Variants in CFAP299 observed in about 807,000 individuals in gnomAD.
CFAP299 encodes the protein cilia- and flagella-associated protein 299.
A neutral mutation model predicts 27.0 loss-of-function variants in CFAP299; 21 were observed. That is an observed-to-expected ratio of 0.78 (90% confidence interval 0.55 to 1.12). CFAP299 has a LOEUF of 1.12. Ranked by LOEUF, CFAP299 falls within the 50% of genes most tolerant of loss-of-function variation. The probability of loss-of-function intolerance (pLI) is 0.00; values close to 1 mark genes in which losing one functional copy is unlikely to be tolerated. For synonymous variants in CFAP299, 104 were observed against 98.1 expected (o/e 1.06, Z -0.36); for missense variants, 310 against 276.6 (o/e 1.12, Z -0.86).
intron 2 of CFAP299, among the ~76,000 whole-genome samples, chr4:80,578,157 T>C (rs1372714003): frequency 6.6e-6 from 1 of 152,214 alleles, no homozygotes; most frequent in East Asian, 1.9e-4. Context: ...GTAGAACTTA[T>C]AACACTAAGA....
Position 80,591,104 on chromosome 4 carries a change from A to ATTTTTTTTTT in CFAP299, c.333+7921_333+7922insTTTTTTTTTT, listed in dbSNP as rs1339201630. Among the ~76,000 whole-genome samples the ATTTTTTTTTT allele has an allele frequency of 1.2e-4, 14 of 116,492 alleles. 2 individuals are homozygous for ATTTTTTTTTT. The highest frequency in any genetic ancestry group is 1.2e-4 in the Non-Finnish European group (7 of 58,338). 76.4% of individuals were successfully genotyped at this position (116,492 alleles called of 152,430 possible). ...AGAAACAGATTATAATACTTTAGGA[A>ATTTTTTTTTT]ATTTTTTTTTTTTTTTTTTTTTTTT... On this transcript the variant is annotated intron_variant, in intron 3 of 5. Coordinates refer to ENST00000358105, the MANE Select transcript of CFAP299 (RefSeq NM_152770.3).
chr4:80,837,445 C>T (rs1730624498), intron 3 of CFAP299, among the ~76,000 whole-genome samples: 1 of 152,074 alleles, frequency 6.6e-6, no homozygotes, highest in Non-Finnish European at 1.5e-5. Flanking sequence ...AGCCCCCCAA[C>T]CCCCGACAGG....
intron 4 of CFAP299, among the ~76,000 whole-genome samples, chr4:80,924,534 G>GTA (rs1465517650): frequency 1.5e-5 from 2 of 131,998 alleles, no homozygotes; most frequent in African/African-American, 7.1e-5. Context: ...GTGTGTGTGT[G>GTA]TGTGTATATA....
intron 3 of CFAP299, among the ~76,000 whole-genome samples, chr4:80,742,277 G>A: frequency 6.6e-6 from 1 of 152,056 alleles, no homozygotes; most frequent in Non-Finnish European, 1.5e-5. Flanking sequence ...CTACCATCTT[G>A]TTTATGCCCC....
At chr4:80,567,288 C>T (rs1399612535) in intron 2 of CFAP299, among the ~76,000 whole-genome samples, 1 of 151,990 alleles carries the variant, frequency 6.6e-6, no homozygotes. Flanking sequence ...ATGTTATTTT[C>T]CTGCTCAGTG....
chr4:80,735,109 GTCT>G (rs1001810665), intron 3 of CFAP299, among the ~76,000 whole-genome samples: 2 of 151,916 alleles, frequency 1.3e-5, no homozygotes, highest in African/African-American at 4.8e-5. Context: ...TTTTTTGTGT[GTCT>G]TCTTCAATTT....
At chr4:80,561,845 A>G (rs1226148894) in intron 2 of CFAP299, among the ~76,000 whole-genome samples, 3 of 152,174 alleles carry the variant, frequency 2.0e-5, no homozygotes, top group Admixed American at 2.0e-4. Flanking sequence ...CAAATCACAG[A>G]AAAACACAGA....
chr4:80,489,643 C>T (rs891115061), intron 2 of CFAP299, among the ~76,000 whole-genome samples: 1 of 152,162 alleles, frequency 6.6e-6, no homozygotes, highest in African/African-American at 2.4e-5. Flanking sequence ...AATCAGAGTT[C>T]ATTTCTCTGC....
intron 4 of CFAP299, among the ~76,000 whole-genome samples, chr4:80,886,284 A>G (rs556549441): frequency 2.0e-5 from 3 of 152,272 alleles, no homozygotes; most frequent in Admixed American, 1.3e-4. Flanking sequence ...GAAACTCTTT[A>G]CTTTCAAGTG....
At chr4:80,894,768 A>G (rs10014532) in intron 4 of CFAP299, among the ~76,000 whole-genome samples, 3,314 of 151,904 alleles carry the variant, frequency 0.022, 65 homozygotes, top group South Asian at 0.08. Context: ...ACAGTTTCTA[A>G]GGTACAGATA....
At chr4:80,856,471 C>T (rs1731896800) in intron 3 of CFAP299, among the ~76,000 whole-genome samples, 1 of 151,990 alleles carries the variant, frequency 6.6e-6, no homozygotes. Context: ...GACATGAAGT[C>T]CTTGCCCATG....
At position 80,357,623 on chromosome 4, in the gene CFAP299, T is replaced by C. The variant is rs145198340; in HGVS notation, c.112-5131T>C. ...ATCTAGATTTTCTAGTTTATGTGCA[T>C]AGAGGTGTTCATAATATTCTCTGAT... On this transcript the variant is annotated intron_variant, in intron 1 of 5. Coordinates refer to ENST00000358105, the MANE Select transcript of CFAP299 (RefSeq NM_152770.3). 6.2e-3 allele frequency among the ~76,000 whole-genome samples: 949 copies of C among 152,346 alleles called. 2 individuals are homozygous for C. Among genetic ancestry groups the C allele is most frequent in the Middle Eastern group, 0.024 (7 of 294 alleles).
At chr4:80,523,695 C>T (rs1166228538) in intron 2 of CFAP299, among the ~76,000 whole-genome samples, 3 of 152,098 alleles carry the variant, frequency 2.0e-5, no homozygotes, top group Non-Finnish European at 4.4e-5. Flanking sequence ...TATTAACATC[C>T]GTATTCTCAG....
intron 2 of CFAP299, among the ~76,000 whole-genome samples, chr4:80,557,692 A>G (rs920864348): frequency 1.3e-5 from 2 of 152,112 alleles, no homozygotes; most frequent in Non-Finnish European, 2.9e-5. Context: ...ACTTTACGTA[A>G]TCTCCATCAT....
At chr4:80,732,094 C>A (rs2110056447) in intron 3 of CFAP299, among the ~76,000 whole-genome samples, 1 of 150,756 alleles carries the variant, frequency 6.6e-6, no homozygotes, top group East Asian at 2.0e-4. Context: ...CACACACACA[C>A]ACACAGTGTT....
rs1391108045 is a variant in CFAP299, at chr4:80,350,522, T to G, written c.112-12232T>G. ...CAGTACTATTTACAATAGCAAAGAC[T>G]TGGAACAAACCCAAATGCCACCAAT... On this transcript the variant is annotated intron_variant, in intron 1 of 5. Coordinates refer to ENST00000358105, the MANE Select transcript of CFAP299 (RefSeq NM_152770.3). Among the ~76,000 whole-genome samples the G allele has an allele frequency of 3.9e-5, 6 of 152,204 alleles. No individual in the cohort carries two copies. The South Asian group carries it at 8.3e-4, about 21-fold the overall frequency.
intron 2 of CFAP299, among the ~76,000 whole-genome samples, chr4:80,562,385 G>A (rs1482234724): frequency 6.6e-6 from 1 of 152,008 alleles, no homozygotes; most frequent in Non-Finnish European, 1.5e-5. Flanking sequence ...ATCACTTGAG[G>A]TCAAGAGTTC....
chr4:80,399,315 A>G (rs556131159), intron 2 of CFAP299, among the ~76,000 whole-genome samples: 30 of 152,176 alleles, frequency 2.0e-4, no homozygotes, highest in Non-Finnish European at 4.1e-4. Flanking sequence ...TAGAAATACC[A>G]TTTGACCCAG....
intron 3 of CFAP299, among the ~76,000 whole-genome samples, chr4:80,864,422 ATATATAGGTATATATATATATATATACC>A (rs1183288461): frequency 1.4e-5 from 2 of 140,538 alleles, no homozygotes; most frequent in East Asian, 4.2e-4. Context: ...GTATGTGTAT[ATATATAGGTATATATATATATATATACC>A]TATATAAGTA....
Sources: allele counts gnomAD v4.1 joint callset (sites outside exome capture counted in the v4.1 genomes callset), GRCh38; gene constraint gnomAD v4.1.1; transcripts MANE v1.5; gene names NCBI Gene and HGNC (gene_info 2026-07-23, HGNC 2026-07-21).